The following SPATA13 variants were observed in gnomAD, a reference collection of about 807,000 sequenced individuals.
SPATA13 encodes the protein spermatogenesis associated 13.
A neutral mutation model predicts 104.0 loss-of-function variants in SPATA13; 50 were observed. The observed-to-expected ratio is 0.48, with a 90% CI of 0.38 to 0.61. The LOEUF (loss-of-function observed/expected upper bound fraction) is 0.61. Among genes scored for constraint, SPATA13 ranks in the 20% least tolerant of loss-of-function variants. SPATA13 has a pLI of 0.00. For synonymous variants in SPATA13, 606 were observed against 667.5 expected, an observed-to-expected ratio of 0.91 and a Z score of 1.42; for missense variants, 1,524 against 1,690.6, an observed-to-expected ratio of 0.90 and a Z score of 1.73.
intron 3 of SPATA13, among the ~76,000 whole-genome samples, chr13:24,047,178 C>G (rs1395237763): frequency 6.6e-6 from 1 of 152,110 alleles, no homozygotes; most frequent in Non-Finnish European, 1.5e-5. Context: ...CATTCATTTG[C>G]CAGAATGCAG....
At chr13:24,061,964 T>A (rs958149059) in intron 3 of SPATA13, among the ~76,000 whole-genome samples, 1 of 152,112 alleles carries the variant, frequency 6.6e-6, no homozygotes, top group Non-Finnish European at 1.5e-5. Context: ...AGCTGGTATG[T>A]TTTAGAACTA....
intron 3 of SPATA13, among the ~76,000 whole-genome samples, chr13:24,067,080 C>T (rs1405603485): frequency 6.6e-6 from 1 of 152,128 alleles, no homozygotes; most frequent in Admixed American, 6.6e-5. Context: ...TCTTTCTGTT[C>T]CCTCTTGGCT....
chr13:24,186,644 C>T (rs994508605), intron 1 of SPATA13, among the ~76,000 whole-genome samples: 2 of 152,164 alleles, frequency 1.3e-5, no homozygotes, highest in Non-Finnish European at 2.9e-5. Flanking sequence ...AGTTTCTTAA[C>T]CTTCAGTGTC....
At chr13:24,197,071 G>C (rs9553215) in intron 1 of SPATA13, among the ~76,000 whole-genome samples, 12,212 of 152,192 alleles carry the variant, frequency 0.08, 612 homozygotes, top group East Asian at 0.23. Flanking sequence ...ATAACAACCA[G>C]AGGGCACCTG....
At chr13:23,985,205 A>G (rs2810693) in intron 2 of SPATA13, among the ~76,000 whole-genome samples, 116,067 of 152,094 alleles carry the variant, frequency 0.76, 44,565 homozygotes, top group Non-Finnish European at 0.8. Context: ...TGGCTTGGAA[A>G]TTCAAACCAC....
At chr13:24,089,300 G>A (rs751959991) in intron 3 of SPATA13, among the ~76,000 whole-genome samples, 1 of 152,136 alleles carries the variant, frequency 6.6e-6, no homozygotes, top group Non-Finnish European at 1.5e-5. Context: ...GACCATATTT[G>A]CATGGGACCC....
At chr13:24,224,985 A>G (rs1226090748) in intron 2 of SPATA13, among the ~76,000 whole-genome samples, 2 of 152,228 alleles carry the variant, frequency 1.3e-5, no homozygotes, top group Non-Finnish European at 2.9e-5. Flanking sequence ...CAAAGTACAT[A>G]TAAGTGAAAT....
chr13:24,094,479 G>C (rs911589315), intron 3 of SPATA13, among the ~76,000 whole-genome samples: 1 of 152,204 alleles, frequency 6.6e-6, no homozygotes, highest in Non-Finnish European at 1.5e-5. Context: ...AGGCAGAATG[G>C]CATCTGCCAA....
At chr13:24,195,344 C>T (rs761282259) in intron 1 of SPATA13, among the ~76,000 whole-genome samples, 3 of 152,096 alleles carry the variant, frequency 2.0e-5, no homozygotes, top group Non-Finnish European at 2.9e-5. Flanking sequence ...TTTGTTTATC[C>T]GTGCATCGGT....
rs1162636567 is a variant in SPATA13 at position 24,305,918 on chromosome 13, A to C, written c.*3145A>C. 6.6e-6 allele frequency: 1 copy of C among 152,230 alleles called. No homozygotes were observed. The highest frequency in any genetic ancestry group is 2.1e-4 in the South Asian group (1 of 4,830). The allele number at this position is 152,230 out of a possible 1,614,324, so 9.4% of individuals were successfully genotyped here. ...TTGAATGTTTGCAGAATCCTGGAGC[A>C]GTAGATTTCTTTGTCTTTGGCCTGC... On this transcript the variant is annotated 3_prime_UTR_variant, in exon 13 of 13. Transcript: ENST00000382108.
intron 1 of SPATA13, among the ~76,000 whole-genome samples, chr13:24,162,006 T>A (rs879686183): frequency 6.6e-6 from 1 of 152,080 alleles, no homozygotes; most frequent in African/African-American, 2.4e-5. Context: ...CAAATTCTCC[T>A]TTTTTCCTAA....
Position 24,302,695 on chromosome 13 carries a change from C to G in SPATA13, c.3756C>G (p.Val1252=). The change falls in exon 13 of 13, where the codon GTC becomes GTG. Residue 1252 remains valine (V), a synonymous_variant. Transcript: ENST00000382108. ...CCACAAGCGTCCCCCAGCAGCAGGT[C>G]TTTGGCCTGGCGGAACCCAAGAGGA... is the stretch of plus-strand genomic sequence containing the variant. ...TMPTSVPQQQ[V]FGLAEPKRKS... 1 of 1,614,126 alleles carries G rather than the reference C, an allele frequency of 6.2e-7. No homozygotes were observed. Among genetic ancestry groups the G allele is most frequent in the Non-Finnish European group, 8.5e-7 (1 of 1,180,024 alleles).
intron 4 of SPATA13, among the ~76,000 whole-genome samples, chr13:24,263,557 C>T (rs1271392803): frequency 6.6e-6 from 1 of 152,174 alleles, no homozygotes; most frequent in Non-Finnish European, 1.5e-5. Flanking sequence ...TGCATATAAC[C>T]CATGCCCATC....
chr13:24,037,888 C>T (rs574479888), intron 3 of SPATA13, among the ~76,000 whole-genome samples: 21 of 152,088 alleles, frequency 1.4e-4, no homozygotes, highest in African/African-American at 4.6e-4. Context: ...TCCTTTCCCC[C>T]CAGTAAAAGG....
chr13:24,296,175 G>A (rs1312536056), intron 10 of SPATA13, among the ~76,000 whole-genome samples: 1 of 152,158 alleles, frequency 6.6e-6, no homozygotes, highest in Non-Finnish European at 1.5e-5. Context: ...CATTTCAAGG[G>A]CCTTATAGAC....
At chr13:24,129,905 G>T (rs546626040) in intron 3 of SPATA13, among the ~76,000 whole-genome samples, 3 of 152,148 alleles carry the variant, frequency 2.0e-5, no homozygotes, top group Non-Finnish European at 4.4e-5. Flanking sequence ...TTAGGACCTC[G>T]CAGGACCCTG....
chr13:24,027,273 T>C (rs1050309890), intron 3 of SPATA13, among the ~76,000 whole-genome samples: 5 of 151,856 alleles, frequency 3.3e-5, no homozygotes, highest in African/African-American at 1.2e-4. Flanking sequence ...TAGCTGGGAT[T>C]ACAGGCGTGC....
chr13:24,172,414 G>A (rs889332956), intron 1 of SPATA13, among the ~76,000 whole-genome samples: 1 of 152,202 alleles, frequency 6.6e-6, no homozygotes, highest in African/African-American at 2.4e-5. Context: ...TTGGTACCAA[G>A]TCTAAGAACT....
intron 1 of SPATA13, among the ~76,000 whole-genome samples, chr13:24,175,785 A>G: frequency 6.6e-6 from 1 of 152,224 alleles, no homozygotes; most frequent in Non-Finnish European, 1.5e-5. Context: ...AACTAGAGAG[A>G]CACGGATCTA....
Sources: gnomAD v4.1 joint callset for allele counts (sites outside exome capture counted in the v4.1 genomes callset) on GRCh38, gnomAD v4.1.1 for gene constraint, MANE v1.5 for transcripts, NCBI Gene and HGNC (gene_info 2026-07-23, HGNC 2026-07-21) for gene names.